ACTR5: variants seen among roughly 807,000 people sequenced by gnomAD.
ACTR5 encodes the protein actin-related protein 5.
ACTR5 carries 43 observed loss-of-function variants against 61.2 expected under a neutral mutation model. The observed-to-expected ratio is 0.70, with a 90% CI of 0.55 to 0.91. The LOEUF is 0.91. Among genes scored for constraint, ACTR5 ranks in the 40% least tolerant of loss-of-function variants. The pLI is 0.00. For missense variants in ACTR5, 798 were observed against 782.2 expected (o/e 1.02, Z -0.24); for synonymous variants, 333 against 310.5 (o/e 1.07, Z -0.76).
At position 38,754,889 on chromosome 20, in the gene ACTR5, G is replaced by T. The variant is rs1461207497; in HGVS notation, c.776-68G>T. On this transcript the variant is annotated intron_variant, in intron 3 of 8. Transcript: ENST00000243903. The stretch of plus-strand genomic sequence containing the variant: ...CAGGCGTGAGCCCCTGCGCCCAGCT[G>T]GTATTGACTTTAATTGTTGTGTTAA... The T allele has an allele frequency of 2.6e-6, 4 of 1,534,740 alleles. No individual in the cohort carries two copies. The African/African-American group carries it at 4.1e-5, about 16-fold the overall frequency.
At position 38,748,781 on chromosome 20, in the gene ACTR5, C is replaced by A; in HGVS notation, c.303C>A (p.Asn101Lys). 6.2e-7 allele frequency: 1 copy of A among 1,608,510 alleles called. No homozygotes were observed. Among genetic ancestry groups the A allele is most frequent in the Non-Finnish European group, 8.5e-7 (1 of 1,178,764 alleles). The part of the protein sequence containing the change: ...RWMLRSPFDR[N>K]VPVNLELQEL... The stretch of plus-strand genomic sequence containing the variant: ...TGCTGCGCTCGCCCTTCGACCGCAA[C>A]GTGCCGGTCAACCTGGAGCTTCAGG... Residue 101 changes from asparagine to lysine, a missense_variant, in exon 1 of 9, where the codon AAC (asparagine) becomes AAA (lysine). Asn to Lys is a moderately conservative substitution (Grantham distance 94). Coordinates refer to ENST00000243903, the MANE Select transcript of ACTR5 (RefSeq NM_024855.4).
chr20:38,765,427 C>T lies in ACTR5; in HGVS notation c.1202C>T (p.Pro401Leu), dbSNP rs374665514. 26 of 1,613,916 alleles carry T rather than the reference C, an allele frequency of 1.6e-5. No individual in the cohort carries two copies. Among genetic ancestry groups the T allele is most frequent in the Non-Finnish European group, 2.1e-5 (25 of 1,180,026 alleles). The change falls in exon 6 of 9, where the codon CCG becomes CTG. Residue 401 changes from proline (P) to leucine (L), a missense_variant. Pro to Leu is a moderately conservative substitution (Grantham distance 98, BLOSUM62 -3). Coordinates refer to ENST00000243903, the MANE Select transcript of ACTR5 (RefSeq NM_024855.4). ...ACCCCTGACCTGGAGCAGCTGGAGC[C>T]GTCTTTGGAAGATGTGGAAAGCATG... ...PETPDLEQLE[P>L]SLEDVESMND...
At chr20:38,753,870 G>A (rs2084401186) in intron 3 of ACTR5, among the ~76,000 whole-genome samples, 3 of 114,790 alleles carry the variant, frequency 2.6e-5, no homozygotes, top group Admixed American at 9.3e-5. Context: ...TAGGTTATTC[G>A]AGCTTTTTTT....
In ACTR5 at chr20:38,749,930, A is replaced by G. The variant is rs961737264; in HGVS notation, c.376-80A>G. The G allele has an allele frequency of 2.3e-5, 29 of 1,266,748 alleles. No homozygotes were observed. The Admixed American group carries it at 3.0e-4, about 13-fold the overall frequency. The allele number at this position is 1,266,748 out of a possible 1,614,324, so 78.5% of individuals were successfully genotyped here. On this transcript the variant is annotated intron_variant, in intron 1 of 8. Coordinates refer to ENST00000243903, the MANE Select transcript of ACTR5 (RefSeq NM_024855.4). The stretch of plus-strand genomic sequence containing the variant: ...AGCCAAAAGCAAATTCAGTCCTGCA[A>G]TAAGGATTTTGGGTTCTTTTATGCT...
chr20:38,759,185 G>C (rs188355468), intron 5 of ACTR5, among the ~76,000 whole-genome samples: 2 of 152,200 alleles, frequency 1.3e-5, no homozygotes, highest in Admixed American at 6.5e-5. Flanking sequence ...AAAGTTCTCC[G>C]GCTTTACTAG....
intron 4 of ACTR5, 145 bp downstream of exon 4, chr20:38,755,319 C>A: frequency 1.2e-6 from 1 of 811,448 alleles, no homozygotes; most frequent in Non-Finnish European, 1.9e-6. Context: ...GGATCATCAG[C>A]ATAGAATACA....
intron 5 of ACTR5, among the ~76,000 whole-genome samples, chr20:38,759,554 TAGGTGA>T (rs1346653460): frequency 1.3e-5 from 2 of 152,168 alleles, no homozygotes; most frequent in African/African-American, 2.4e-5. Flanking sequence ...GGAGTGAAGC[TAGGTGA>T]AGGTGAATGT....
chr20:38,771,926 T>G lies in ACTR5; in HGVS notation c.*110T>G. 4.2e-6 allele frequency: 6 copies of G among 1,427,574 alleles called. No individual in the cohort carries two copies. Among genetic ancestry groups the G allele is most frequent in the Non-Finnish European group, 5.6e-6 (6 of 1,079,902 alleles). 88.4% of individuals were successfully genotyped at this position (1,427,574 alleles called of 1,614,324 possible). On this transcript the variant is annotated 3_prime_UTR_variant, in exon 9 of 9. Transcript: ENST00000243903. Reference sequence around the variant, plus strand: ...ACCTGCCCAAGTCTGCTGGTCACATTTGGCAGCAAAATGGATTTCTCCTGG... The same window carrying G: ...ACCTGCCCAAGTCTGCTGGTCACATGTGGCAGCAAAATGGATTTCTCCTGG...
At chr20:38,757,075 G>A (rs1035305915) in intron 5 of ACTR5, among the ~76,000 whole-genome samples, 18 of 152,080 alleles carry the variant, frequency 1.2e-4, no homozygotes, top group African/African-American at 4.3e-4. Context: ...ACAGGTGAAC[G>A]CCAGCATGCC....
intron 8 of ACTR5, among the ~76,000 whole-genome samples, chr20:38,768,430 A>G (rs2084501001): frequency 6.6e-6 from 1 of 152,184 alleles, no homozygotes. Context: ...CAGAGAGACA[A>G]GGTGCCCGGG....
Position 38,755,909 on chromosome 20 carries a change from T to A in ACTR5, c.1046T>A (p.Leu349Gln). ...CAGTTTCACAAAGCTCTGATAGAGC[T>A]GAATATGGACTCCCCAGAAGAGCTG... ...MDQFHKALIE[L>Q]NMDSPEELQS... Residue 349 changes from leucine to glutamine, a missense_variant, in exon 5 of 9, where the codon CTG (leucine) becomes CAG (glutamine). By Grantham distance (113) the Leu-to-Gln change is moderately radical. Transcript: ENST00000243903. 1 of 1,614,168 alleles carries A rather than the reference T, an allele frequency of 6.2e-7. No homozygotes were observed. Among genetic ancestry groups the A allele is most frequent in the Non-Finnish European group, 8.5e-7 (1 of 1,180,040 alleles).
chr20:38,770,968 G>A (rs1234821613), intron 8 of ACTR5, among the ~76,000 whole-genome samples: 3 of 152,208 alleles, frequency 2.0e-5, no homozygotes, highest in Non-Finnish European at 4.4e-5. Flanking sequence ...CAGGAGGCCC[G>A]ATGGAAGCTG....
At chr20:38,756,081 G>T in intron 5 of ACTR5, 42 bp downstream of exon 5, 2 of 1,563,308 alleles carry the variant, frequency 1.3e-6, no homozygotes, top group East Asian at 2.3e-5. Flanking sequence ...CTTGAGGGGA[G>T]GAGTGTCCTG....
chr20:38,764,993 A>G (rs78117972), intron 5 of ACTR5, among the ~76,000 whole-genome samples: 1,557 of 152,344 alleles, frequency 0.01, 9 homozygotes, highest in Non-Finnish European at 0.017. Context: ...TTTATTAATT[A>G]TTAAAAGATT....
rs900729927 is a variant in ACTR5 at position 38,765,503 on chromosome 20, G to A, written c.1278G>A (p.Pro426=). ...AGGAAACACCTGGAGTGGAGAAGCCGGTCACCACTGTTCAGGTTTGACTTC... is the reference window on the plus strand; with the variant it reads ...AGGAAACACCTGGAGTGGAGAAGCCAGTCACCACTGTTCAGGTTTGACTTC... ...FSEETPGVEK[P]VTTVQPVFNL... Residue 426 remains proline, a synonymous_variant, in exon 6 of 9, where the codon CCG becomes CCA. Transcript: ENST00000243903. 9 of 1,613,626 alleles carry A rather than the reference G, an allele frequency of 5.6e-6. No homozygotes were observed. The highest frequency in any genetic ancestry group is 2.2e-5 in the East Asian group (1 of 44,884).
intron 8 of ACTR5, among the ~76,000 whole-genome samples, chr20:38,769,664 G>A (rs904374805): frequency 2.6e-5 from 4 of 152,158 alleles, no homozygotes; most frequent in Non-Finnish European, 2.9e-5. Context: ...ATGAGCGCTC[G>A]GTGGGTAAGG....
At chr20:38,771,422 C>G (rs549732499) in intron 8 of ACTR5, 137 bp from the exon 9 acceptor site, 1 of 1,147,010 alleles carries the variant, frequency 8.7e-7, no homozygotes, top group Non-Finnish European at 1.2e-6. Flanking sequence ...GAGCTAGCCC[C>G]GAACTGTCTT....
At position 38,772,384 on chromosome 20, in the gene ACTR5, G is replaced by C. The variant is rs893754617; in HGVS notation, c.*568G>C. 1 of 158,216 alleles carries C rather than the reference G, an allele frequency of 6.3e-6. No individual in the cohort carries two copies. Among genetic ancestry groups the C allele is most frequent in the Non-Finnish European group, 1.4e-5 (1 of 71,810 alleles). 9.8% of individuals were successfully genotyped at this position (158,216 alleles called of 1,614,324 possible). A position where few individuals can be genotyped will look rare whatever the true frequency, so the allele number is the denominator to read the frequency against. ...TGGAGCTTAGGAGTTCGAGGCTATCGTGTGCTGTGATCGCACCTGTGAATA... is the reference window on the plus strand; with the variant it reads ...TGGAGCTTAGGAGTTCGAGGCTATCCTGTGCTGTGATCGCACCTGTGAATA... On this transcript the variant is annotated 3_prime_UTR_variant, in exon 9 of 9. Coordinates refer to ENST00000243903, the MANE Select transcript of ACTR5 (RefSeq NM_024855.4).
At chr20:38,765,675 G>A (rs778235527) in intron 6 of ACTR5, among the ~76,000 whole-genome samples, 157 bp downstream of exon 6, 1 of 152,050 alleles carries the variant, frequency 6.6e-6, no homozygotes, top group Non-Finnish European at 1.5e-5. Context: ...TTTTCCCCCG[G>A]TGATTGATCG....
Sources: allele counts gnomAD v4.1 joint callset (sites outside exome capture counted in the v4.1 genomes callset), GRCh38; gene constraint gnomAD v4.1.1; transcripts MANE v1.5; gene names NCBI Gene and HGNC (gene_info 2026-07-23, HGNC 2026-07-21).